TENM3: variants seen among roughly 807,000 people sequenced by gnomAD.
TENM3 encodes teneurin-3.
Under a neutral mutation model 255.1 loss-of-function variants are expected in TENM3, and 63 were observed. The observed-to-expected ratio is 0.25, with a 90% CI of 0.20 to 0.30. The LOEUF (loss-of-function observed/expected upper bound fraction) is 0.30. Ranked by LOEUF, TENM3 falls within the 10% of genes least tolerant of loss-of-function variation. The probability of loss-of-function intolerance (pLI) is 1.00; values close to 1 mark genes in which losing one functional copy is unlikely to be tolerated. For missense variants in TENM3, 2,929 were observed against 3,461.1 expected, an observed-to-expected ratio of 0.85 and a Z score of 3.86; for synonymous variants, 1,306 against 1,322.3, an observed-to-expected ratio of 0.99 and a Z score of 0.27.
the TENM3 span, among the ~76,000 whole-genome samples, chr4:181,917,613 C>T: frequency 6.6e-6 from 1 of 151,580 alleles, no homozygotes; most frequent in Non-Finnish European, 1.5e-5. Flanking sequence ...CCTCTCCCAA[C>T]TCAGCGCTCA....
chr4:181,988,097 C>T, the TENM3 span, among the ~76,000 whole-genome samples: 4 of 152,062 alleles, frequency 2.6e-5, no homozygotes, highest in South Asian at 2.1e-4. Context: ...ATCTGTCCCT[C>T]GCCTCTCGTC....
At chr4:181,490,038 T>C in the TENM3 span, among the ~76,000 whole-genome samples, 56 of 152,296 alleles carry the variant, frequency 3.7e-4, no homozygotes, top group African/African-American at 1.2e-3. Context: ...AGTTTTTTGT[T>C]ATTTTAAATA....
intron 1 of TENM3, among the ~76,000 whole-genome samples, chr4:182,260,904 C>T (rs1461381414): frequency 6.6e-6 from 1 of 151,912 alleles, no homozygotes; most frequent in East Asian, 1.9e-4. Flanking sequence ...GAGTCGGAGA[C>T]TTGCCCTGTT....
the TENM3 span, among the ~76,000 whole-genome samples, chr4:181,520,565 GT>G: frequency 8.8e-3 from 1,335 of 152,098 alleles, 22 homozygotes; most frequent in African/African-American, 0.03. Flanking sequence ...AAAACCTCTA[GT>G]TTTTGTAAGG....
At chr4:182,780,869 G>C (rs1461441477) in intron 24 of TENM3, among the ~76,000 whole-genome samples, 2 of 150,194 alleles carry the variant, frequency 1.3e-5, no homozygotes, top group Non-Finnish European at 2.9e-5. Flanking sequence ...TCTGTTGTTG[G>C]TGTATAAGAA....
the TENM3 span, among the ~76,000 whole-genome samples, chr4:181,838,010 C>A: frequency 6.6e-6 from 1 of 151,968 alleles, no homozygotes; most frequent in African/African-American, 2.4e-5. Context: ...TTGTGGTGCA[C>A]GCCTGTAATC....
chr4:181,448,861 A>G, the TENM3 span, among the ~76,000 whole-genome samples: 5 of 152,168 alleles, frequency 3.3e-5, no homozygotes, highest in Non-Finnish European at 4.4e-5. Flanking sequence ...AAGTTTTTCT[A>G]AACATACTTA....
the TENM3 span, among the ~76,000 whole-genome samples, chr4:181,729,151 T>C: frequency 6.6e-6 from 1 of 152,222 alleles, no homozygotes; most frequent in Non-Finnish European, 1.5e-5. Flanking sequence ...TATAATTCTG[T>C]ACATAATTCT....
intron 3 of TENM3, among the ~76,000 whole-genome samples, chr4:182,446,288 A>C (rs551845325): frequency 2.0e-5 from 3 of 152,346 alleles, no homozygotes; most frequent in South Asian, 4.1e-4. Context: ...ATACATGTAG[A>C]ATACTCCAGT....
chr4:181,605,568 A>AAGAAAGAAAGAAAGGG, the TENM3 span, among the ~76,000 whole-genome samples: 1 of 42,164 alleles, frequency 2.4e-5, no homozygotes, highest in African/African-American at 8.6e-5. Flanking sequence ...GAAAGAAAGA[A>AAGAAAGAAAGAAAGGG]AGAGAGAGAA....
the TENM3 span, among the ~76,000 whole-genome samples, chr4:181,828,874 G>A: frequency 6.6e-6 from 1 of 152,144 alleles, no homozygotes; most frequent in African/African-American, 2.4e-5. Flanking sequence ...ACAGGAGTGA[G>A]CCACTGCACC....
chr4:182,603,784 T>TACACAC lies in TENM3; in HGVS notation c.749+2630_749+2635dup, dbSNP rs142957807. The stretch of plus-strand genomic sequence containing the variant: ...AATTATTTATATATATATATATATA[T>TACACAC]ACACACACACACCGATTTTGCTAAT... On this transcript the variant is annotated intron_variant, in intron 4 of 27. Coordinates refer to ENST00000511685, the MANE Select transcript of TENM3 (RefSeq NM_001080477.4). Among the ~76,000 whole-genome samples the TACACAC allele has an allele frequency of 1.5e-4, 20 of 134,140 alleles. 2 individuals carry two copies. Among genetic ancestry groups the TACACAC allele is most frequent in the African/African-American group, 4.7e-4 (17 of 36,360 alleles). The allele number at this position is 134,140 out of a possible 152,430, so 88.0% of individuals were successfully genotyped here. A position where few individuals can be genotyped will look rare whatever the true frequency, so the allele number is the denominator to read the frequency against.
the TENM3 span, among the ~76,000 whole-genome samples, chr4:181,506,021 A>G: frequency 4.5e-4 from 69 of 152,282 alleles, no homozygotes; most frequent in African/African-American, 1.7e-3. Context: ...TTGATAAAAA[A>G]CGTTTTACTT....
intron 3 of TENM3, among the ~76,000 whole-genome samples, chr4:182,413,167 TAC>T (rs1423076508): frequency 2.0e-5 from 3 of 151,986 alleles, no homozygotes; most frequent in South Asian, 2.1e-4. Context: ...AGGAGCCAGT[TAC>T]ACAGAGGAGA....
intron 4 of TENM3, among the ~76,000 whole-genome samples, chr4:182,625,602 G>A (rs930568344): frequency 5.9e-5 from 9 of 152,156 alleles, no homozygotes; most frequent in African/African-American, 1.9e-4. Context: ...CATAGGAAAT[G>A]TCAGTCCTTT....
the TENM3 span, among the ~76,000 whole-genome samples, chr4:181,970,734 T>C: frequency 6.6e-6 from 1 of 152,236 alleles, no homozygotes; most frequent in East Asian, 1.9e-4. Flanking sequence ...GCTTCTCTGC[T>C]GCTGGCGGCT....
At chr4:181,704,412 G>A in the TENM3 span, among the ~76,000 whole-genome samples, 3 of 152,296 alleles carry the variant, frequency 2.0e-5, no homozygotes, top group South Asian at 6.2e-4. Context: ...CAGGTTGAGG[G>A]AAAGGGAAAA....
At chr4:182,707,163 C>T (rs1036055936) in intron 12 of TENM3, among the ~76,000 whole-genome samples, 1 of 152,056 alleles carries the variant, frequency 6.6e-6, no homozygotes. Context: ...GTTCTCTTTT[C>T]CTGTTACATG....
rs533979457 is a variant in TENM3 at position 182,383,191 on chromosome 4, A to C, written c.511+36262A>C. On this transcript the variant is annotated intron_variant, in intron 3 of 27. Coordinates refer to ENST00000511685, the MANE Select transcript of TENM3 (RefSeq NM_001080477.4). ...CATCAGGGTAGGGAGATTCTTGCTAAACTCACTTAACAGGATTCTTGCTGA... is the reference window on the plus strand; with the variant it reads ...CATCAGGGTAGGGAGATTCTTGCTACACTCACTTAACAGGATTCTTGCTGA... Among the ~76,000 whole-genome samples the C allele has an allele frequency of 2.0e-5, 3 of 152,260 alleles. No homozygotes were observed. In the South Asian group the frequency reaches 6.2e-4, roughly 32 times the overall value.
Sources: gnomAD v4.1 joint callset for allele counts (sites outside exome capture counted in the v4.1 genomes callset) on GRCh38, gnomAD v4.1.1 for gene constraint, MANE v1.5 for transcripts, NCBI Gene and HGNC (gene_info 2026-07-23, HGNC 2026-07-21) for gene names.